Variants in GAS2 observed in about 807,000 individuals in gnomAD.
GAS2 encodes the protein growth arrest-specific protein 2.
Under a neutral mutation model 37.5 loss-of-function variants are expected in GAS2, and 20 were observed. That is an observed-to-expected ratio of 0.53 (90% confidence interval 0.37 to 0.77). GAS2 has a LOEUF of 0.77. Among genes scored for constraint, GAS2 ranks in the 30% least tolerant of loss-of-function variants. The pLI, the probability that GAS2 is intolerant of heterozygous loss-of-function variation, is 0.00. For synonymous variants in GAS2, 144 were observed against 132.2 expected (o/e 1.09, Z -0.61); for missense variants, 336 against 373.4 (o/e 0.90, Z 0.82).
upstream of GAS2, among the ~76,000 whole-genome samples, chr11:22,664,438 C>T (rs1483436800): frequency 1.3e-5 from 2 of 152,122 alleles, no homozygotes; most frequent in African/African-American, 4.8e-5. Flanking sequence ...GTGGGACACA[C>T]ATAGTAATGC....
intron 4 of GAS2, chr11:22,731,375 G>T (rs1268799133): frequency 1.1e-5 from 5 of 447,682 alleles, no homozygotes; most frequent in Admixed American, 2.4e-5. Context: ...CTCTGAGAAA[G>T]AATCTACTCA....
At chr11:22,784,419 C>T (rs531912621) in intron 7 of GAS2, among the ~76,000 whole-genome samples, 7 of 152,112 alleles carry the variant, frequency 4.6e-5, no homozygotes, top group Non-Finnish European at 1.0e-4. Context: ...AGTTCATATT[C>T]CTTACCATAT....
At chr11:22,677,125 T>C (rs563412951) in intron 2 of GAS2, among the ~76,000 whole-genome samples, 16 of 152,274 alleles carry the variant, frequency 1.1e-4, no homozygotes, top group African/African-American at 3.8e-4. Context: ...GAATATATAA[T>C]CTATTACTTG....
At chr11:22,640,759 T>A (rs971797559) in intron 1 of GAS2, among the ~76,000 whole-genome samples, 3 of 152,192 alleles carry the variant, frequency 2.0e-5, no homozygotes, top group African/African-American at 7.2e-5. Context: ...AGAAATTTTT[T>A]CACCACGTAT....
intron 3 of GAS2, among the ~76,000 whole-genome samples, chr11:22,726,046 G>A (rs561250110): frequency 2.0e-5 from 3 of 152,180 alleles, no homozygotes; most frequent in Middle Eastern, 3.4e-3. Context: ...CCTGAGCCAA[G>A]AAAAGTACTT....
At chr11:22,655,732 CTT>C (rs374259553) in intron 1 of GAS2, among the ~76,000 whole-genome samples, 9 of 152,180 alleles carry the variant, frequency 5.9e-5, no homozygotes, top group African/African-American at 2.2e-4. Flanking sequence ...TCACAAATGT[CTT>C]GTCTCCTCAT....
intron 1 of GAS2, among the ~76,000 whole-genome samples, chr11:22,633,587 G>A (rs777607644): frequency 1.2e-4 from 19 of 152,184 alleles, no homozygotes; most frequent in Admixed American, 4.6e-4. Flanking sequence ...AAAACAGGCT[G>A]CAGCTAAAGC....
At chr11:22,696,328 A>C (rs1424289914) in intron 3 of GAS2, among the ~76,000 whole-genome samples, 2 of 151,864 alleles carry the variant, frequency 1.3e-5, no homozygotes, top group Non-Finnish European at 2.9e-5. Flanking sequence ...ACATTTTCTT[A>C]ATCCAGTCTA....
At chr11:22,668,539 A>ATTTCCCATGT (rs146443447) in intron 1 of GAS2, among the ~76,000 whole-genome samples, 14,859 of 152,228 alleles carry the variant, frequency 0.098, 1,096 homozygotes, top group African/African-American at 0.19. Context: ...ACTGGGAAAT[A>ATTTCCCATGT]AGTTCACATG....
chr11:22,768,443 GCCAACT>G (rs1854807709), intron 7 of GAS2, among the ~76,000 whole-genome samples: 1 of 152,062 alleles, frequency 6.6e-6, no homozygotes, highest in African/African-American at 2.4e-5. Flanking sequence ...AGCTTTTCAT[GCCAACT>G]TCTAATCTCC....
At chr11:22,652,122 A>C (rs1848784093) in intron 1 of GAS2, among the ~76,000 whole-genome samples, 1 of 152,060 alleles carries the variant, frequency 6.6e-6, no homozygotes, top group Non-Finnish European at 1.5e-5. Context: ...TCTGTTTGTT[A>C]GTTTTCCTTC....
intron 2 of GAS2, among the ~76,000 whole-genome samples, chr11:22,681,513 CT>C (rs1849683810): frequency 1.3e-5 from 2 of 152,298 alleles, no homozygotes; most frequent in Non-Finnish European, 2.9e-5. Context: ...AAACCAATGT[CT>C]TTACGGACCA....
At chr11:22,686,875 T>A (rs1031243899) in intron 3 of GAS2, among the ~76,000 whole-genome samples, 5 of 152,198 alleles carry the variant, frequency 3.3e-5, no homozygotes, top group Non-Finnish European at 5.9e-5. Flanking sequence ...ATTTATTTTT[T>A]AAATATTTTA....
intron 4 of GAS2, among the ~76,000 whole-genome samples, chr11:22,731,988 T>G (rs1358454923): frequency 6.6e-6 from 1 of 151,702 alleles, no homozygotes; most frequent in Admixed American, 6.6e-5. Flanking sequence ...TCTGGCCCTC[T>G]CCCCTATGTC....
At chr11:22,645,522 C>T (rs557337618) in intron 1 of GAS2, among the ~76,000 whole-genome samples, 6 of 150,862 alleles carry the variant, frequency 4.0e-5, no homozygotes, top group East Asian at 2.0e-4. Flanking sequence ...TATATATATA[C>T]ACACACACAC....
intron 3 of GAS2, among the ~76,000 whole-genome samples, chr11:22,692,662 G>C (rs1850302883): frequency 1.3e-5 from 2 of 152,170 alleles, no homozygotes; most frequent in Non-Finnish European, 2.9e-5. Context: ...ACTTTGAATA[G>C]AATGGGAGGC....
chr11:22,754,226 A>G (rs548289465), intron 6 of GAS2, among the ~76,000 whole-genome samples: 50 of 152,134 alleles, frequency 3.3e-4, no homozygotes, highest in South Asian at 1.9e-3. Flanking sequence ...GTATAGATTC[A>G]TGTTCTTATA....
intron 7 of GAS2, among the ~76,000 whole-genome samples, chr11:22,759,121 A>C (rs1347924981): frequency 6.6e-6 from 1 of 152,184 alleles, no homozygotes; most frequent in African/African-American, 2.4e-5. Flanking sequence ...CTATACATTC[A>C]AACAGATACA....
At chr11:22,708,294 A>G (rs748931202) in intron 3 of GAS2, among the ~76,000 whole-genome samples, 14 of 152,160 alleles carry the variant, frequency 9.2e-5, no homozygotes, top group Non-Finnish European at 1.2e-4. Flanking sequence ...TATGTTTTTT[A>G]GTGATTATTA....
Sources: allele counts gnomAD v4.1 joint callset (sites outside exome capture counted in the v4.1 genomes callset), GRCh38; gene constraint gnomAD v4.1.1; transcripts MANE v1.5; gene names NCBI Gene and HGNC (gene_info 2026-07-23, HGNC 2026-07-21).